The following NUP35 variants were observed in gnomAD, a reference collection of about 807,000 sequenced individuals.
NUP35 encodes the protein nucleoporin NUP35.
Under a neutral mutation model 41.5 loss-of-function variants are expected in NUP35, and 25 were observed. The observed-to-expected ratio is 0.60, with a 90% CI of 0.44 to 0.84. NUP35 has a LOEUF of 0.84. Ranked by LOEUF, NUP35 falls within the 40% of genes least tolerant of loss-of-function variation. NUP35 has a pLI of 0.00. For synonymous variants in NUP35, 149 were observed against 130.7 expected (o/e 1.14, Z -0.96); for missense variants, 396 against 396.6 (o/e 1.00, Z 0.01).
At chr2:183,158,584 G>C (rs571983125) in intron 7 of NUP35, among the ~76,000 whole-genome samples, 173 bp downstream of exon 7, 1 of 152,200 alleles carries the variant, frequency 6.6e-6, no homozygotes, top group South Asian at 2.1e-4. Flanking sequence ...TTTAATCATA[G>C]AGTTTAGAAT....
intron 4 of NUP35, among the ~76,000 whole-genome samples, chr2:183,151,233 C>T (rs1685459935): frequency 6.6e-6 from 1 of 152,128 alleles, no homozygotes; most frequent in Non-Finnish European, 1.5e-5. Context: ...CTGGGATATC[C>T]TTCTGGTGTC....
intron 3 of NUP35, 128 bp from the exon 4 acceptor site, chr2:183,133,438 A>G: frequency 3.1e-6 from 2 of 652,908 alleles, no homozygotes; most frequent in East Asian, 3.2e-5. Context: ...GTGCCTTTGT[A>G]CTTTGAGCTA....
chr2:183,152,446 T>TC (rs1246208278), intron 5 of NUP35, among the ~76,000 whole-genome samples: 1 of 152,052 alleles, frequency 6.6e-6, no homozygotes, highest in Non-Finnish European at 1.5e-5. Context: ...TCCCACCCTT[T>TC]CCCCCGAGTC....
intron 5 of NUP35, among the ~76,000 whole-genome samples, chr2:183,152,116 C>CAT (rs1685489163): frequency 1.2e-5 from 1 of 84,660 alleles, no homozygotes; most frequent in Admixed American, 9.8e-5. Context: ...TACAAACACA[C>CAT]ACACACACAC....
At chr2:183,129,860 G>T (rs1001987013) in intron 2 of NUP35, among the ~76,000 whole-genome samples, 1 of 152,152 alleles carries the variant, frequency 6.6e-6, no homozygotes. Flanking sequence ...TTCTCTGATC[G>T]ATAAAGACAT....
At chr2:183,124,288 A>G, upstream of NUP35, 1 of 1,435,816 alleles carries the variant, frequency 7.0e-7, no homozygotes, top group South Asian at 1.5e-5. Flanking sequence ...TCTCAGCGCA[A>G]AGACTTTGCC....
At chr2:183,130,943 C>T (rs1684676903) in intron 3 of NUP35, 1 of 1,158,064 alleles carries the variant, frequency 8.6e-7, no homozygotes. Flanking sequence ...ATCTAGGGCA[C>T]TCGTCAGCTG....
At chr2:183,127,226 C>T (rs1684523855) in intron 1 of NUP35, among the ~76,000 whole-genome samples, 1 of 151,316 alleles carries the variant, frequency 6.6e-6, no homozygotes, top group African/African-American at 2.4e-5. Flanking sequence ...TGTGAGGTTT[C>T]AGTTCTCTAA....
intron 3 of NUP35, among the ~76,000 whole-genome samples, chr2:183,130,775 T>C (rs1684670401): frequency 1.3e-5 from 2 of 152,236 alleles, no homozygotes; most frequent in Non-Finnish European, 2.9e-5. Flanking sequence ...CTCAGGTGTT[T>C]ATAGGTATGC....
Position 183,130,444 on chromosome 2 carries a change from C to T in NUP35, c.238C>T (p.Pro80Ser), listed in dbSNP as rs774502225. 3.8e-6 allele frequency: 6 copies of T among 1,591,812 alleles called. No homozygotes were observed. In the African/African-American group the frequency reaches 7.2e-5, roughly 19 times the overall value. The change falls in exon 3 of 9, where the codon CCA becomes TCA. Residue 80 changes from proline to serine, a missense_variant. By Grantham distance (74) the Pro-to-Ser change is moderately conservative (BLOSUM62 -1). Transcript: ENST00000295119. ...AGGSPPQPVV[P>S]AHKDKSGAPP... ...TGGGTCACCACCACAACCAGTTGTA[C>T]CAGCTCATAAAGATAAAAGTGGCGC... is the stretch of plus-strand genomic sequence containing the variant.
chr2:183,157,396 C>G, intron 5 of NUP35, 48 bp from the exon 6 acceptor site: 1 of 1,321,414 alleles, frequency 7.6e-7, no homozygotes, highest in Non-Finnish European at 1.1e-6. Context: ...TTTGCATTCA[C>G]ATTGATAGTA....
chr2:183,156,681 T>C (rs1216428133), intron 5 of NUP35, among the ~76,000 whole-genome samples: 1 of 147,682 alleles, frequency 6.8e-6, no homozygotes, highest in East Asian at 2.0e-4. Flanking sequence ...TTCTGATTTA[T>C]TTTTGAGACT....
At chr2:183,138,270 T>TA (rs1553530933) in intron 4 of NUP35, among the ~76,000 whole-genome samples, 297 of 25,250 alleles carry the variant, frequency 0.012, no homozygotes, top group East Asian at 0.039. Flanking sequence ...TATATATATA[T>TA]TTTTTTTTTT....
Position 183,159,553 on chromosome 2 carries a change from C to G in NUP35, c.804C>G (p.Ile268Met). Reference sequence around the variant, plus strand: ...CATCTTTAGCCTTTACACCACCAATCAAAACTCTAGGTACACCAACACAAC... The same window carrying G: ...CATCTTTAGCCTTTACACCACCAATGAAAACTCTAGGTACACCAACACAAC... ...SSPSLAFTPP[I>M]KTLGTPTQPG... The change falls in exon 8 of 9, where the codon ATC (isoleucine) becomes ATG (methionine). Residue 268 changes from isoleucine to methionine, a missense_variant. Ile to Met is a conservative substitution (Grantham distance 10, BLOSUM62 1). Coordinates refer to ENST00000295119, the MANE Select transcript of NUP35 (RefSeq NM_138285.5). The G allele has an allele frequency of 6.2e-7, 1 of 1,613,598 alleles. No individual in the cohort carries two copies.
chr2:183,155,786 G>A (rs912066579), intron 5 of NUP35, among the ~76,000 whole-genome samples: 6 of 152,068 alleles, frequency 3.9e-5, no homozygotes, highest in Admixed American at 2.6e-4. Flanking sequence ...AGGCTCAGTA[G>A]TAGTGGTTTA....
intron 1 of NUP35, chr2:183,119,018 TAGG>T (rs1302099202): frequency 6.6e-6 from 1 of 152,232 alleles, no homozygotes; most frequent in African/African-American, 2.4e-5. Context: ...TGAATGTCCT[TAGG>T]AGGTCAGATA....
At chr2:183,139,036 T>A (rs1279525825) in intron 4 of NUP35, among the ~76,000 whole-genome samples, 1 of 152,138 alleles carries the variant, frequency 6.6e-6, no homozygotes, top group East Asian at 1.9e-4. Flanking sequence ...CAGAGATTTT[T>A]CCTGTGTCTT....
intron 4 of NUP35, among the ~76,000 whole-genome samples, chr2:183,141,942 A>G (rs1685110806): frequency 6.6e-6 from 1 of 152,204 alleles, no homozygotes; most frequent in Admixed American, 6.5e-5. Context: ...AGCTTTCTAA[A>G]AAAGCTTGCT....
chr2:183,139,668 T>C (rs1248702047), intron 4 of NUP35, among the ~76,000 whole-genome samples: 5 of 151,900 alleles, frequency 3.3e-5, no homozygotes, highest in Non-Finnish European at 5.9e-5. Context: ...GAGAAACATA[T>C]AGAGGAGAGA....
Sources: gnomAD v4.1 joint callset for allele counts (sites outside exome capture counted in the v4.1 genomes callset) on GRCh38, gnomAD v4.1.1 for gene constraint, MANE v1.5 for transcripts, NCBI Gene and HGNC (gene_info 2026-07-23, HGNC 2026-07-21) for gene names.